Variants in RARB observed in about 807,000 individuals in gnomAD.
The protein encoded by RARB is retinoic acid receptor beta.
In RARB, 17 loss-of-function variants were observed where a neutral mutation model predicts 51.9. The ratio of observed to expected loss-of-function variants is 0.33; its 90% CI spans 0.22 to 0.49. The LOEUF (loss-of-function observed/expected upper bound fraction) is 0.49, where lower values mean the gene tolerates loss of function less well. RARB is among the 20% of genes least tolerant of loss of function. The pLI, the probability that RARB is intolerant of heterozygous loss-of-function variation, is 0.99. For synonymous variants in RARB, 215 were observed against 195.4 expected (o/e 1.10, Z -0.84); for missense variants, 369 against 550.8 (o/e 0.67, Z 3.30).
At chr3:25,409,006 C>A (rs1191503979) in intron 5 of RARB, among the ~76,000 whole-genome samples, 1 of 152,144 alleles carries the variant, frequency 6.6e-6, no homozygotes, top group Non-Finnish European at 1.5e-5. Flanking sequence ...TGCACTCCAG[C>A]CTGTGTGACA....
chr3:25,304,081 T>A (rs890357594), intron 5 of RARB, among the ~76,000 whole-genome samples: 1 of 152,152 alleles, frequency 6.6e-6, no homozygotes, highest in Non-Finnish European at 1.5e-5. Flanking sequence ...TTTTCTTTGC[T>A]AACCTTAAAA....
At chr3:25,265,420 T>G (rs1027038540) in intron 5 of RARB, among the ~76,000 whole-genome samples, 2 of 152,168 alleles carry the variant, frequency 1.3e-5, no homozygotes, top group African/African-American at 2.4e-5. Flanking sequence ...CCTCACTGTT[T>G]CCCTTGCTAC....
At chr3:24,996,367 C>G (rs1697039211) in intron 2 of RARB, among the ~76,000 whole-genome samples, 1 of 151,906 alleles carries the variant, frequency 6.6e-6, no homozygotes, top group African/African-American at 2.4e-5. Context: ...TCTCATTAGT[C>G]TATCTAATGA....
At chr3:25,368,543 C>T (rs1455858937) in intron 5 of RARB, among the ~76,000 whole-genome samples, 3 of 152,140 alleles carry the variant, frequency 2.0e-5, no homozygotes, top group Non-Finnish European at 4.4e-5. Context: ...TATATCTATG[C>T]ACCAATGAAA....
chr3:25,152,011 G>C (rs1027715965), intron 4 of RARB, among the ~76,000 whole-genome samples: 1 of 151,938 alleles, frequency 6.6e-6, no homozygotes, highest in African/African-American at 2.4e-5. Context: ...AAAAGAAAAA[G>C]TTTCCATCTA....
At chr3:25,562,867 A>G (rs911133266) in intron 3 of RARB, among the ~76,000 whole-genome samples, 3 of 152,252 alleles carry the variant, frequency 2.0e-5, no homozygotes, top group Admixed American at 6.5e-5. Flanking sequence ...TCAAAAAGTA[A>G]CCAGTGAGGG....
chr3:25,094,779 T>TCAC (rs1699264288), intron 3 of RARB, among the ~76,000 whole-genome samples: 1 of 143,172 alleles, frequency 7.0e-6, no homozygotes, highest in Admixed American at 7.1e-5. Flanking sequence ...CTTGCCCAGG[T>TCAC]CACAGGACTA....
At chr3:24,854,374 A>G (rs1317294673) in intron 1 of RARB, among the ~76,000 whole-genome samples, 8 of 152,224 alleles carry the variant, frequency 5.3e-5, no homozygotes, top group Admixed American at 5.2e-4. Flanking sequence ...TGCTGTTATT[A>G]ACAATTAGAA....
chr3:25,533,688 A>C (rs1285873061), intron 3 of RARB, among the ~76,000 whole-genome samples: 1 of 152,222 alleles, frequency 6.6e-6, no homozygotes, highest in Non-Finnish European at 1.5e-5. Context: ...GATCCCATAG[A>C]GGGAGCAAAA....
At chr3:25,244,542 T>C (rs1389731804) in intron 5 of RARB, among the ~76,000 whole-genome samples, 1 of 152,178 alleles carries the variant, frequency 6.6e-6, no homozygotes, top group Non-Finnish European at 1.5e-5. Flanking sequence ...AAAGAACTTA[T>C]TTATTTCTGC....
chr3:25,221,717 G>C (rs1701952724), intron 5 of RARB, among the ~76,000 whole-genome samples: 1 of 152,050 alleles, frequency 6.6e-6, no homozygotes, highest in Admixed American at 6.5e-5. Flanking sequence ...CTGCTTCTAG[G>C]AGAACTTGAT....
At chr3:24,989,398 A>G (rs377386429) in intron 2 of RARB, among the ~76,000 whole-genome samples, 1 of 41,840 alleles carries the variant, frequency 2.4e-5, no homozygotes, top group African/African-American at 1.0e-4. Flanking sequence ...GTAGGAAAAC[A>G]TTACTGAATT....
intron 2 of RARB, among the ~76,000 whole-genome samples, chr3:24,915,288 A>G (rs994010664): frequency 6.6e-6 from 1 of 152,268 alleles, no homozygotes; most frequent in African/African-American, 2.4e-5. Context: ...ACATAAAAGT[A>G]CAGACCTAGG....
chr3:25,200,033 A>G (rs1394419451), intron 5 of RARB, among the ~76,000 whole-genome samples: 2 of 152,206 alleles, frequency 1.3e-5, no homozygotes, highest in African/African-American at 4.8e-5. Context: ...TGTCTTCCAC[A>G]ATGGTTGAAC....
At chr3:25,284,067 C>T (rs898882307) in intron 5 of RARB, among the ~76,000 whole-genome samples, 7 of 152,218 alleles carry the variant, frequency 4.6e-5, no homozygotes, top group Admixed American at 2.6e-4. Context: ...ATTCCTCCCT[C>T]CTTCTCATTT....
At chr3:25,512,435 C>T (rs565520134) in intron 3 of RARB, among the ~76,000 whole-genome samples, 1 of 152,202 alleles carries the variant, frequency 6.6e-6, no homozygotes, top group Non-Finnish European at 1.5e-5. Context: ...TCATCGCTTA[C>T]ACAATCAACT....
At chr3:24,944,996 C>T (rs555892125) in intron 2 of RARB, among the ~76,000 whole-genome samples, 149 of 152,272 alleles carry the variant, frequency 9.8e-4, no homozygotes, top group African/African-American at 3.4e-3. Flanking sequence ...TGAAAATACA[C>T]GTGTGTGAAC....
chr3:25,246,410 T>G (rs1279733362), intron 5 of RARB, among the ~76,000 whole-genome samples: 2 of 152,196 alleles, frequency 1.3e-5, no homozygotes, highest in Non-Finnish European at 2.9e-5. Flanking sequence ...ATTCTGGTTT[T>G]TGGAATTTTC....
chr3:25,486,823 TAATG>T (rs1696499854), intron 2 of RARB, among the ~76,000 whole-genome samples: 1 of 152,230 alleles, frequency 6.6e-6, no homozygotes, highest in Admixed American at 6.5e-5. Context: ...GAATTTCTAA[TAATG>T]AATCCTTGTA....
Sources: allele counts gnomAD v4.1 joint callset (sites outside exome capture counted in the v4.1 genomes callset), GRCh38; gene constraint gnomAD v4.1.1; transcripts MANE v1.5; gene names NCBI Gene and HGNC (gene_info 2026-07-23, HGNC 2026-07-21).